Variants in SNRPD1 observed in about 807,000 individuals in gnomAD.
The protein encoded by SNRPD1 is small nuclear ribonucleoprotein Sm D1.
Under a neutral mutation model 14.4 loss-of-function variants are expected in SNRPD1, and 1 was observed. The ratio of observed to expected loss-of-function variants is 0.07; its 90% CI spans 0.02 to 0.33. The LOEUF (loss-of-function observed/expected upper bound fraction) is 0.33, where lower values mean the gene tolerates loss of function less well. Ranked by LOEUF, SNRPD1 falls within the 10% of genes least tolerant of loss-of-function variation. The pLI, the probability that SNRPD1 is intolerant of heterozygous loss-of-function variation, is 1.00. For synonymous variants in SNRPD1, 42 were observed against 50.3 expected (o/e 0.83, Z 0.70); for missense variants, 52 against 146.4 (o/e 0.36, Z 3.33).
In SNRPD1 at chr18:21,630,339, G is replaced by C. The variant is rs369308860; in HGVS notation, c.*1201G>C. On this transcript the variant is annotated 3_prime_UTR_variant, in exon 4 of 4. Transcript: ENST00000300413. ...TCTCAGTGCATCAGTTCTTTGTAAA[G>C]CTTACTACGAAGTATTTATATGCTA... 2.0e-5 allele frequency: 3 copies of C among 151,990 alleles called. No individual in the cohort carries two copies. The highest frequency in any genetic ancestry group is 7.2e-5 in the African/African-American group (3 of 41,482). 9.4% of individuals were successfully genotyped at this position (151,990 alleles called of 1,614,324 possible).
At chr18:21,620,015 C>A (rs2038986344) in intron 1 of SNRPD1, among the ~76,000 whole-genome samples, 1 of 151,816 alleles carries the variant, frequency 6.6e-6, no homozygotes, top group African/African-American at 2.4e-5. Flanking sequence ...AGTGCAATGG[C>A]ATGATCTTGG....
At chr18:21,615,892 C>T (rs2038953712) in intron 1 of SNRPD1, among the ~76,000 whole-genome samples, 1 of 152,180 alleles carries the variant, frequency 6.6e-6, no homozygotes, top group Non-Finnish European at 1.5e-5. Context: ...TGGTCCACAT[C>T]CTCACCAGTA....
intron 1 of SNRPD1, among the ~76,000 whole-genome samples, chr18:21,617,351 G>C (rs1339193057): frequency 6.6e-6 from 1 of 152,076 alleles, no homozygotes; most frequent in African/African-American, 2.4e-5. Context: ...TGTAATCCCA[G>C]CTAAATCAAC....
At chr18:21,627,083 C>T (rs528779428) in intron 3 of SNRPD1, among the ~76,000 whole-genome samples, 1 of 151,044 alleles carries the variant, frequency 6.6e-6, no homozygotes, top group East Asian at 2.0e-4. Flanking sequence ...GCCTGGCCAA[C>T]AGAGTAAAAC....
At chr18:21,617,512 C>A (rs141188145) in intron 1 of SNRPD1, among the ~76,000 whole-genome samples, 24 of 152,252 alleles carry the variant, frequency 1.6e-4, no homozygotes, top group African/African-American at 5.8e-4. Context: ...ATACTTTGGT[C>A]TCTTGTCTTT....
intron 3 of SNRPD1, among the ~76,000 whole-genome samples, chr18:21,624,355 G>C (rs540802227): frequency 6.6e-6 from 1 of 150,622 alleles, no homozygotes; most frequent in Non-Finnish European, 1.5e-5. Flanking sequence ...CTCCAGCCTG[G>C]GTGACAGAGC....
intron 3 of SNRPD1, among the ~76,000 whole-genome samples, chr18:21,628,843 C>G (rs975707616): frequency 1.3e-5 from 2 of 151,828 alleles, no homozygotes; most frequent in African/African-American, 4.8e-5. Flanking sequence ...AATAATCTCC[C>G]TAGGCCTTTA....
rs748864232 is a variant in SNRPD1, at chr18:21,625,315, A to ATTTTTTTT, written c.283+1376_283+1377insTTTTTTTT. 4.7e-3 allele frequency among the ~76,000 whole-genome samples: 466 copies of ATTTTTTTT among 98,106 alleles called. 8 individuals carry two copies. Among genetic ancestry groups the ATTTTTTTT allele is most frequent in the African/African-American group, 0.032 (432 of 13,422 alleles). The allele number at this position is 98,106 out of a possible 152,430, so 64.4% of individuals were successfully genotyped here. On this transcript the variant is annotated intron_variant, in intron 3 of 3. Transcript: ENST00000300413. ...TTCTATTTAAAATTTTGTTGAAAAA[A>ATTTTTTTT]ATTTTTTTTTTTTTTTTTGAGATGG...
chr18:21,620,201 A>C (rs1227183132), intron 1 of SNRPD1, among the ~76,000 whole-genome samples: 1 of 151,938 alleles, frequency 6.6e-6, no homozygotes, highest in Non-Finnish European at 1.5e-5. Flanking sequence ...TGACCCGCCC[A>C]CCTTGGCCTC....
chr18:21,622,778 C>T lies in SNRPD1; in HGVS notation c.68C>T (p.Thr23Ile). Residue 23 changes from threonine to isoleucine, a missense_variant, in exon 2 of 4, where the codon ACA (threonine) becomes ATA (isoleucine). Transcript: ENST00000300413. ...GTAACCATTGAATTGAAGAACGGAA[C>T]ACAGGTCCATGGAACAATCACAGGT... ...ETVTIELKNG[T>I]QVHGTITGVD... The T allele has an allele frequency of 1.9e-6, 3 of 1,583,694 alleles. No individual in the cohort carries two copies. Among genetic ancestry groups the T allele is most frequent in the Non-Finnish European group, 2.6e-6 (3 of 1,152,698 alleles).
chr18:21,624,701 A>ATATAT (rs1375006397), intron 3 of SNRPD1, among the ~76,000 whole-genome samples: 20 of 146,102 alleles, frequency 1.4e-4, no homozygotes, highest in African/African-American at 5.1e-4. Flanking sequence ...AAAAAAAAAA[A>ATATAT]ATATATATAT....
At position 21,630,947 on chromosome 18, in the gene SNRPD1, C is replaced by T. The variant is rs2039079043; in HGVS notation, c.*1809C>T. 6.6e-6 allele frequency: 1 copy of T among 150,642 alleles called. No individual in the cohort carries two copies. The highest frequency in any genetic ancestry group is 6.6e-5 in the Admixed American group (1 of 15,048). 9.3% of individuals were successfully genotyped at this position (150,642 alleles called of 1,614,324 possible). A position where few individuals can be genotyped will look rare whatever the true frequency, so the allele number is the denominator to read the frequency against. Reference sequence around the variant, plus strand: ...ATATATTTTTTTAAGTATCTTACCTCATCAAGTAAATTCAAATGCTTTTTG... The same window carrying T: ...ATATATTTTTTTAAGTATCTTACCTTATCAAGTAAATTCAAATGCTTTTTG... On this transcript the variant is annotated 3_prime_UTR_variant, in exon 4 of 4. Coordinates refer to ENST00000300413, the MANE Select transcript of SNRPD1 (RefSeq NM_006938.4).
rs2039055682 is a variant in SNRPD1 at position 21,628,322 on chromosome 18, G to T, written c.284-740G>T. On this transcript the variant is annotated intron_variant, in intron 3 of 3. Transcript: ENST00000300413. ...TTGAGCCCAGGAGTTCAAGGCTGCA[G>T]TGAGGTGTAATTACACTCCAGATGG... Among the ~76,000 whole-genome samples, 3 of 152,170 alleles carry T rather than the reference G, an allele frequency of 2.0e-5. No individual in the cohort carries two copies. The South Asian group carries it at 6.2e-4, about 32-fold the overall frequency.
chr18:21,623,704 A>C, intron 2 of SNRPD1, 44 bp from the exon 3 acceptor site: 1 of 1,396,224 alleles, frequency 7.2e-7, no homozygotes. Context: ...TAGTTGCCTT[A>C]ACTTGTATCA....
At chr18:21,618,226 T>G (rs933503659) in intron 1 of SNRPD1, among the ~76,000 whole-genome samples, 1 of 151,850 alleles carries the variant, frequency 6.6e-6, no homozygotes, top group Admixed American at 6.6e-5. Context: ...AGTTTAAGAC[T>G]AGTCTAGGCA....
chr18:21,614,126 A>G (rs1227463654), intron 1 of SNRPD1, among the ~76,000 whole-genome samples: 1 of 151,984 alleles, frequency 6.6e-6, no homozygotes, highest in Non-Finnish European at 1.5e-5. Context: ...TACAAAAATT[A>G]GCCGGGCATG....
rs1441848738 is a variant in SNRPD1 at position 21,612,347 on chromosome 18, C to G, written c.-83C>G. ...CCGGAGCCCCTGGAGTAGGCGCTTCCGGCCATTCATACTGCAGTCGGTCAG... is the reference window on the plus strand; with the variant it reads ...CCGGAGCCCCTGGAGTAGGCGCTTCGGGCCATTCATACTGCAGTCGGTCAG... On this transcript the variant is annotated 5_prime_UTR_variant, in exon 1 of 4. Coordinates refer to ENST00000300413, the MANE Select transcript of SNRPD1 (RefSeq NM_006938.4). 2.7e-6 allele frequency: 3 copies of G among 1,102,776 alleles called. No homozygotes were observed. The highest frequency in any genetic ancestry group is 1.6e-5 in the African/African-American group (1 of 62,300). The allele number at this position is 1,102,776 out of a possible 1,614,324, so 68.3% of individuals were successfully genotyped here. A position where few individuals can be genotyped will look rare whatever the true frequency, so the allele number is the denominator to read the frequency against.
At position 21,622,940 on chromosome 18, in the gene SNRPD1, T is replaced by A. The variant is rs541810754; in HGVS notation, c.91+139T>A. 11 of 523,678 alleles carry A rather than the reference T, an allele frequency of 2.1e-5. No homozygotes were observed. The East Asian group carries it at 3.5e-4, about 17-fold the overall frequency. 32.4% of individuals were successfully genotyped at this position (523,678 alleles called of 1,614,324 possible). A position where few individuals can be genotyped will look rare whatever the true frequency, so the allele number is the denominator to read the frequency against. On this transcript the variant is annotated intron_variant, in intron 2 of 3. Coordinates refer to ENST00000300413, the MANE Select transcript of SNRPD1 (RefSeq NM_006938.4). ...GTCTGAATTATGTAATTTTTTTTTT[T>A]TTTTTTTAAACAGTTTTGCTCTGTC...
chr18:21,615,092 C>A (rs2038947385), intron 1 of SNRPD1, among the ~76,000 whole-genome samples: 1 of 152,216 alleles, frequency 6.6e-6, no homozygotes, highest in Non-Finnish European at 1.5e-5. Flanking sequence ...CAGACAGTTT[C>A]CTCAAGCCTT....
Sources: gnomAD v4.1 joint callset for allele counts (sites outside exome capture counted in the v4.1 genomes callset) on GRCh38, gnomAD v4.1.1 for gene constraint, MANE v1.5 for transcripts, NCBI Gene and HGNC (gene_info 2026-07-23, HGNC 2026-07-21) for gene names.